POLR1A: variants seen among roughly 807,000 people sequenced by gnomAD.
POLR1A encodes the protein DNA-directed RNA polymerase I subunit RPA1.
Under a neutral mutation model 205.3 loss-of-function variants are expected in POLR1A, and 84 were observed. That is an observed-to-expected ratio of 0.41 (90% CI 0.34 to 0.49). The LOEUF (loss-of-function observed/expected upper bound fraction) is 0.49. POLR1A is among the 20% of genes least tolerant of loss of function. POLR1A has a pLI of 0.22. For synonymous variants in POLR1A, 799 were observed against 863.7 expected (o/e 0.93, Z 1.31); for missense variants, 1,645 against 2,204.5 (o/e 0.75, Z 5.08).
chr2:86,089,873 T>C lies in POLR1A; in HGVS notation c.489A>G (p.Gln163=), dbSNP rs1271724160. Residue 163 remains glutamine (Q), a synonymous_variant, in exon 4 of 34, where the codon CAA becomes CAG. Transcript: ENST00000263857. ...TGTTCTGCACAATTTCAGTTGTGTATTGTTCTAATTCCTCCCGAATTTCAG... is the reference window on the plus strand; with the variant it reads ...TGTTCTGCACAATTTCAGTTGTGTACTGTTCTAATTCCTCCCGAATTTCAG... ...SASEIREELE[Q]YTTEIVQNNL... is the part of the protein sequence containing the mutation. The C allele has an allele frequency of 1.9e-6, 3 of 1,613,162 alleles. No homozygotes were observed. The East Asian group carries it at 6.7e-5, about 36-fold the overall frequency.
At chr2:86,077,446 C>T (rs1673308154) in intron 11 of POLR1A, among the ~76,000 whole-genome samples, 1 of 152,196 alleles carries the variant, frequency 6.6e-6, no homozygotes, top group Non-Finnish European at 1.5e-5. Context: ...CTGGAAAGTA[C>T]ACAGGACTGA....
rs1274263787 is a variant in POLR1A, at chr2:86,081,629, G to A, written c.895C>T (p.Leu299=). Residue 299 remains leucine (L), a synonymous_variant, in exon 8 of 34, where the codon CTA becomes TTA. Transcript: ENST00000263857. ...GAGGGCGGCACCACCAAGAAATCTA[G>A]AAAGAACACACTGGGATTGAATCTG... ...ESRFNPSVFF[L]DFLVVPPSRY... 2.5e-6 allele frequency: 4 copies of A among 1,609,354 alleles called. No homozygotes were observed. The Admixed American group carries it at 6.8e-5, about 27-fold the overall frequency.
intron 33 of POLR1A, 125 bp from the exon 34 acceptor site, chr2:86,027,648 G>T: frequency 1.1e-6 from 1 of 885,934 alleles, no homozygotes. Context: ...TGAAGCTGAT[G>T]GGATCACGAG....
chr2:86,030,953 A>G (rs888365426), intron 30 of POLR1A, among the ~76,000 whole-genome samples: 3 of 152,238 alleles, frequency 2.0e-5, no homozygotes, highest in Non-Finnish European at 2.9e-5. Flanking sequence ...CCATGGTAAC[A>G]TATCTGTTGT....
rs749619121 is a variant in POLR1A at position 86,098,780 on chromosome 2, A to G, written c.283-20T>C. On this transcript the variant is annotated intron_variant, in intron 2 of 33. Coordinates refer to ENST00000263857, the MANE Select transcript of POLR1A (RefSeq NM_015425.6). The stretch of plus-strand genomic sequence containing the variant: ...CAGCTTCTGAAGAGAGGGAATAAAA[A>G]CAAACAGGATATTAGAAAGAGACAC... 20 of 1,613,300 alleles carry G rather than the reference A, an allele frequency of 1.2e-5. No individual in the cohort carries two copies. The highest frequency in any genetic ancestry group is 1.5e-5 in the Non-Finnish European group (18 of 1,179,368).
At position 86,028,298 on chromosome 2, in the gene POLR1A, T is replaced by C. The variant is rs1004210172; in HGVS notation, c.4898-249A>G. ...GGAAATGAGGATCTAACCGCACTGTTTTCACTTGGGAACTGAAACCCCAAA... is the reference window on the plus strand; with the variant it reads ...GGAAATGAGGATCTAACCGCACTGTCTTCACTTGGGAACTGAAACCCCAAA... On this transcript the variant is annotated intron_variant, in intron 32 of 33. Coordinates refer to ENST00000263857, the MANE Select transcript of POLR1A (RefSeq NM_015425.6). This position sits in a 1 kb window ranked among gnomAD's most constrained non-coding sequence, Gnocchi z 4.5. Among the ~76,000 whole-genome samples, 2 of 152,204 alleles carry C rather than the reference T, an allele frequency of 1.3e-5. No individual in the cohort carries two copies. The highest frequency in any genetic ancestry group is 2.9e-5 in the Non-Finnish European group (2 of 68,038).
chr2:86,100,055 G>A lies in POLR1A; in HGVS notation c.195C>T (p.Ser65=). The A allele has an allele frequency of 6.2e-7, 1 of 1,614,184 alleles. No homozygotes were observed. Among genetic ancestry groups the A allele is most frequent in the South Asian group, 1.1e-5 (1 of 91,084 alleles). The change falls in exon 2 of 34, where the codon TCC becomes TCT. Residue 65 remains serine (S), a synonymous_variant. Transcript: ENST00000263857. ...AGTTGCTGAAGTCCTGCACGCAGGT[G>A]GAGCACACCTCTTTGGAATCTGCAG... ...LGPADSKEVC[S]TCVQDFSNCS...
Position 86,022,847 on chromosome 2 carries a change from T to TG in POLR1A, c.*4575dup, listed in dbSNP as rs1193065465. 6.6e-6 allele frequency: 1 copy of TG among 152,218 alleles called. No individual in the cohort carries two copies. The highest frequency in any genetic ancestry group is 1.5e-5 in the Non-Finnish European group (1 of 68,072). 9.4% of individuals were successfully genotyped at this position (152,218 alleles called of 1,614,324 possible). A position where few individuals can be genotyped will look rare whatever the true frequency, so the allele number is the denominator to read the frequency against. ...CTCCTGCCTGAGTCTCTTAAAGTGC[T>TG]GGGACTGTAAGCGTGAGCCACTGTG... On this transcript the variant is annotated 3_prime_UTR_variant, in exon 34 of 34. Transcript: ENST00000263857.
At chr2:86,104,751 TGA>T (rs1487900724) in intron 1 of POLR1A, among the ~76,000 whole-genome samples, 1 of 152,214 alleles carries the variant, frequency 6.6e-6, no homozygotes, top group Non-Finnish European at 1.5e-5. Context: ...CCGGCCATGT[TGA>T]GTTTCTGATA....
At position 86,028,861 on chromosome 2, in the gene POLR1A, G is replaced by A; in HGVS notation, c.4780-150C>T. On this transcript the variant is annotated intron_variant, in intron 31 of 33. Coordinates refer to ENST00000263857, the MANE Select transcript of POLR1A (RefSeq NM_015425.6). This position sits in a 1 kb window ranked among gnomAD's most constrained non-coding sequence, Gnocchi z 4.5. The stretch of plus-strand genomic sequence containing the variant: ...GTGGTCAAGAGGTGGCCCAGGATTA[G>A]CAGAAGGAAATGGCTAGGCAGAGCT... The A allele has an allele frequency of 3.2e-6, 2 of 627,182 alleles. No homozygotes were observed. Among genetic ancestry groups the A allele is most frequent in the Non-Finnish European group, 2.9e-6 (1 of 344,584 alleles). 38.9% of individuals were successfully genotyped at this position (627,182 alleles called of 1,614,324 possible).
Position 86,081,644 on chromosome 2 carries a change from G to A in POLR1A, c.880C>T (p.Pro294Ser), listed in dbSNP as rs766852245. 5.6e-6 allele frequency: 9 copies of A among 1,612,528 alleles called. No homozygotes were observed. The highest frequency in any genetic ancestry group is 7.6e-6 in the Non-Finnish European group (9 of 1,179,304). Reference protein sequence around the residue: ...DDDGMESRFNPSVFFLDFLVV... With the variant: ...DDDGMESRFNSSVFFLDFLVV... ...AAGAAATCTAGAAAGAACACACTGG[G>A]ATTGAATCTGGATTCCATACCATCA... The change falls in exon 8 of 34, where the codon CCC becomes TCC. Residue 294 changes from proline (P) to serine (S), a missense_variant. Around this residue, in one of 16 missense-constraint regions of POLR1A, gnomAD observed 330 missense variants for 375.6 expected, o/e 0.88. Coordinates refer to ENST00000263857, the MANE Select transcript of POLR1A (RefSeq NM_015425.6).
chr2:86,070,373 C>T lies in POLR1A; in HGVS notation c.1612-101G>A. ...AGCTTGACCAAGGTGTGGCTTTTGT[C>T]TCACGTTCTAGTTAACTAAATGCAA... On this transcript the variant is annotated intron_variant, in intron 12 of 33. Coordinates refer to ENST00000263857, the MANE Select transcript of POLR1A (RefSeq NM_015425.6). This position sits in a 1 kb window ranked among gnomAD's most constrained non-coding sequence, Gnocchi z 4.4. 1 of 1,295,688 alleles carries T rather than the reference C, an allele frequency of 7.7e-7. No individual in the cohort carries two copies. The highest frequency in any genetic ancestry group is 1.1e-6 in the Non-Finnish European group (1 of 938,918). The allele number at this position is 1,295,688 out of a possible 1,614,324, so 80.3% of individuals were successfully genotyped here. A position where few individuals can be genotyped will look rare whatever the true frequency, so the allele number is the denominator to read the frequency against.
intron 2 of POLR1A, 28 bp from the exon 3 acceptor site, chr2:86,098,788 G>A: frequency 1.2e-6 from 2 of 1,611,854 alleles, no homozygotes; most frequent in Non-Finnish European, 1.7e-6. Context: ...AAACAAACAG[G>A]ATATTAGAAA....
intron 12 of POLR1A, among the ~76,000 whole-genome samples, chr2:86,071,747 T>C (rs1403767539): frequency 6.6e-6 from 1 of 152,200 alleles, no homozygotes; most frequent in Non-Finnish European, 1.5e-5. Flanking sequence ...GTACCGCCTA[T>C]TAAGACACTT....
chr2:86,031,270 C>G (rs960165812), intron 30 of POLR1A, 60 bp downstream of exon 30: 7 of 1,505,348 alleles, frequency 4.7e-6, no homozygotes, highest in Non-Finnish European at 5.3e-6. Flanking sequence ...GCCCCTTCCA[C>G]AGAGGGATTT....
intron 14 of POLR1A, among the ~76,000 whole-genome samples, chr2:86,062,779 A>G (rs1333638117): frequency 6.6e-6 from 1 of 152,226 alleles, no homozygotes; most frequent in Non-Finnish European, 1.5e-5. Context: ...AATAAAACTG[A>G]TAAACCTCTA....
chr2:86,046,389 G>A (rs1041038113), intron 19 of POLR1A, among the ~76,000 whole-genome samples: 4 of 152,208 alleles, frequency 2.6e-5, no homozygotes, highest in African/African-American at 9.7e-5. Flanking sequence ...GAGGAGAGCA[G>A]TATATCTAGG....
chr2:86,028,394 G>A lies in POLR1A; in HGVS notation c.4897+200C>T, dbSNP rs529809288. ...CCAGCAGATGAGACACCACTGAAGC[G>A]GTCTCAGTGATGGGAGACGTCACCT... is the stretch of plus-strand genomic sequence containing the variant. On this transcript the variant is annotated intron_variant, in intron 32 of 33. Coordinates refer to ENST00000263857, the MANE Select transcript of POLR1A (RefSeq NM_015425.6). This position sits in a 1 kb window ranked among gnomAD's most constrained non-coding sequence, Gnocchi z 4.5. Among the ~76,000 whole-genome samples, 4 of 152,304 alleles carry A rather than the reference G, an allele frequency of 2.6e-5. No homozygotes were observed. The highest frequency in any genetic ancestry group is 2.1e-4 in the South Asian group (1 of 4,826).
In POLR1A at chr2:86,032,350, C is replaced by T; in HGVS notation, c.4194G>A (p.Gly1398=). 2 of 1,613,220 alleles carry T rather than the reference C, an allele frequency of 1.2e-6. No homozygotes were observed. The highest frequency in any genetic ancestry group is 2.2e-5 in the South Asian group (2 of 91,054). ...CCTCAGCTTCAGCATCCACAATGTG[C>T]CCCTCCTCTTCCTCATCACCCTCCT... ...GEQEGDEEEE[G]HIVDAEAEEG... The change falls in exon 29 of 34, where the codon GGG becomes GGA. Residue 1398 remains glycine, a synonymous_variant. Transcript: ENST00000263857.
Sources: allele counts gnomAD v4.1 joint callset (sites outside exome capture counted in the v4.1 genomes callset), GRCh38; gene constraint gnomAD v4.1.1; regional missense constraint gnomAD v4.1.1; non-coding constraint Gnocchi (gnomAD v3.1); transcripts MANE v1.5; gene names NCBI Gene and HGNC (gene_info 2026-07-23, HGNC 2026-07-21).